R3HCC1L: variants seen among roughly 807,000 people sequenced by gnomAD.
R3HCC1L encodes coiled-coil domain-containing protein R3HCC1L.
R3HCC1L carries 51 observed loss-of-function variants against 59.9 expected under a neutral mutation model. The ratio of observed to expected loss-of-function variants is 0.85; its 90% CI spans 0.68 to 1.07. The LOEUF (loss-of-function observed/expected upper bound fraction) is 1.07, where lower values mean the gene tolerates loss of function less well. R3HCC1L is among the 50% of genes least tolerant of loss of function. The pLI is 0.00. For missense variants in R3HCC1L, 965 were observed against 933.0 expected (o/e 1.03, Z -0.45); for synonymous variants, 322 against 315.2 (o/e 1.02, Z -0.23).
At chr10:98,196,092 TC>T (rs1353097802) in intron 4 of R3HCC1L, among the ~76,000 whole-genome samples, 15 of 152,212 alleles carry the variant, frequency 9.9e-5, no homozygotes, top group Admixed American at 9.8e-4. Context: ...AATATTATAT[TC>T]TACTTAGTAC....
At chr10:98,234,860 A>G (rs1013388670) in intron 7 of R3HCC1L, among the ~76,000 whole-genome samples, 5 of 152,186 alleles carry the variant, frequency 3.3e-5, no homozygotes, top group African/African-American at 1.2e-4. Flanking sequence ...AGTGAATTTA[A>G]TTAGCCCTTT....
chr10:98,236,539 C>T (rs1003645056), intron 9 of R3HCC1L, among the ~76,000 whole-genome samples: 16 of 152,156 alleles, frequency 1.1e-4, no homozygotes, highest in African/African-American at 3.6e-4. Context: ...TGATATTGCC[C>T]TAATGTTATC....
intron 4 of R3HCC1L, among the ~76,000 whole-genome samples, chr10:98,179,227 G>T (rs1245913972): frequency 6.6e-6 from 1 of 152,276 alleles, no homozygotes; most frequent in East Asian, 1.9e-4. Flanking sequence ...ATTATTTTGA[G>T]ATACATTCCA....
At chr10:98,159,549 C>G (rs1564629429) in intron 2 of R3HCC1L, among the ~76,000 whole-genome samples, 1 of 152,184 alleles carries the variant, frequency 6.6e-6, no homozygotes, top group Non-Finnish European at 1.5e-5. Flanking sequence ...TCTTGTTACT[C>G]CTTGAACTTT....
intron 6 of R3HCC1L, among the ~76,000 whole-genome samples, chr10:98,232,300 TTTTA>T (rs1856487555): frequency 1.3e-5 from 2 of 152,160 alleles, no homozygotes. Flanking sequence ...TCAACTAAGT[TTTTA>T]TAGACAAAAT....
intron 1 of R3HCC1L, among the ~76,000 whole-genome samples, chr10:98,135,067 C>T (rs1844409239): frequency 6.6e-6 from 1 of 152,212 alleles, no homozygotes; most frequent in African/African-American, 2.4e-5. Context: ...GGCTGCGGGG[C>T]CGTGGGCCCC....
At chr10:98,169,884 CTT>C (rs1195433216) in intron 4 of R3HCC1L, among the ~76,000 whole-genome samples, 70 of 128,354 alleles carry the variant, frequency 5.5e-4, no homozygotes, top group Admixed American at 2.4e-3. Flanking sequence ...CTAACACAAC[CTT>C]TTTTTTTTTT....
rs1849542052 is a variant in R3HCC1L at position 98,180,718 on chromosome 10, T to C, written c.-15+17321T>C. Among the ~76,000 whole-genome samples, 3 of 152,204 alleles carry C rather than the reference T, an allele frequency of 2.0e-5. No homozygotes were observed. In the South Asian group the frequency reaches 6.2e-4, roughly 32 times the overall value. On this transcript the variant is annotated intron_variant, in intron 4 of 9. Transcript: ENST00000298999. ...CTTGTAGGTCTCTAAGTACTTGCTT[T>C]ATGAATCTGGGTGCTCCTGTATTGA...
At chr10:98,211,945 A>T (rs957577979) in intron 5 of R3HCC1L, among the ~76,000 whole-genome samples, 9 of 152,160 alleles carry the variant, frequency 5.9e-5, no homozygotes, top group African/African-American at 2.2e-4. Flanking sequence ...GGACATTGGG[A>T]TGACCTAAAG....
At chr10:98,199,739 C>T (rs758664094) in intron 4 of R3HCC1L, among the ~76,000 whole-genome samples, 19 of 151,774 alleles carry the variant, frequency 1.3e-4, no homozygotes, top group Admixed American at 3.3e-4. Flanking sequence ...TTAATGAAAA[C>T]GACTTGTTAG....
chr10:98,200,388 C>T (rs916348471), intron 4 of R3HCC1L, among the ~76,000 whole-genome samples: 2 of 152,040 alleles, frequency 1.3e-5, no homozygotes, highest in East Asian at 1.9e-4. Context: ...TCATAAGGGC[C>T]TTGACTCCGT....
intron 4 of R3HCC1L, among the ~76,000 whole-genome samples, chr10:98,207,421 C>T (rs532939481): frequency 6.6e-6 from 1 of 152,284 alleles, no homozygotes; most frequent in Admixed American, 6.5e-5. Flanking sequence ...TGTCTCATCA[C>T]AGTTTCCTTG....
At chr10:98,215,589 A>C (rs997069080) in intron 5 of R3HCC1L, among the ~76,000 whole-genome samples, 5 of 152,224 alleles carry the variant, frequency 3.3e-5, no homozygotes, top group Non-Finnish European at 7.3e-5. Flanking sequence ...ATGACGCAGC[A>C]TTTCTTAAAA....
rs143685455 is a variant in R3HCC1L at position 98,149,335 on chromosome 10, G to A, written c.-267-6758G>A. ...CAACTTTTTATTTCATTGGTTTTCC[G>A]TAGTCTAAATTCTATTTATTTCTGC... is the stretch of plus-strand genomic sequence containing the variant. On this transcript the variant is annotated intron_variant, in intron 1 of 9. Coordinates refer to ENST00000298999, the MANE Select transcript of R3HCC1L (RefSeq NM_001351015.2). Among the ~76,000 whole-genome samples, 418 of 151,940 alleles carry A rather than the reference G, an allele frequency of 2.8e-3. 2 individuals are homozygous for A. Among genetic ancestry groups the A allele is most frequent in the African/African-American group, 9.3e-3 (387 of 41,450 alleles).
chr10:98,193,071 A>T (rs558695201), intron 4 of R3HCC1L, among the ~76,000 whole-genome samples: 81 of 149,448 alleles, frequency 5.4e-4, no homozygotes, highest in South Asian at 1.3e-3. Flanking sequence ...CTGACAAAAC[A>T]TAATACCTTT....
intron 4 of R3HCC1L, among the ~76,000 whole-genome samples, chr10:98,198,232 A>G (rs913861478): frequency 2.3e-4 from 35 of 152,130 alleles, no homozygotes; most frequent in Admixed American, 2.0e-4. Flanking sequence ...TTAAAAGTGT[A>G]TAATTATCTT....
chr10:98,209,646 G>T lies in R3HCC1L; in HGVS notation c.1532G>T (p.Ser511Ile). Residue 511 changes from serine to isoleucine, a missense_variant, in exon 5 of 10, where the codon AGT becomes ATT. Coordinates refer to ENST00000298999, the MANE Select transcript of R3HCC1L (RefSeq NM_001351015.2). ...SDSAVGIDLG[S>I]TGDTTEALHE... ...AGTGCCGTGGGCATTGACCTGGGTA[G>T]TACTGGTGATACAACAGAAGCATTG... 6.2e-7 allele frequency: 1 copy of T among 1,614,024 alleles called. No homozygotes were observed. The highest frequency in any genetic ancestry group is 8.5e-7 in the Non-Finnish European group (1 of 1,179,954).
Position 98,162,212 on chromosome 10 carries a change from T to C in R3HCC1L, c.-212-671T>C, listed in dbSNP as rs542339953. 1.6e-3 allele frequency among the ~76,000 whole-genome samples: 237 copies of C among 152,316 alleles called. 3 individuals carry two copies. The highest frequency in any genetic ancestry group is 3.4e-3 in the Middle Eastern group (1 of 292). On this transcript the variant is annotated intron_variant, in intron 2 of 9. Transcript: ENST00000298999. ...ATTTATTTAACCTGGCTGATATTGGTGGACATTAAAGTTATTTAAAATTTT... is the reference window on the plus strand; with the variant it reads ...ATTTATTTAACCTGGCTGATATTGGCGGACATTAAAGTTATTTAAAATTTT...
intron 4 of R3HCC1L, among the ~76,000 whole-genome samples, chr10:98,190,977 A>T (rs1401307640): frequency 6.6e-6 from 1 of 152,180 alleles, no homozygotes; most frequent in African/African-American, 2.4e-5. Context: ...TGCAAAGGAC[A>T]TGAACTCATC....
Sources: allele counts gnomAD v4.1 joint callset (sites outside exome capture counted in the v4.1 genomes callset), GRCh38; gene constraint gnomAD v4.1.1; transcripts MANE v1.5; gene names NCBI Gene and HGNC (gene_info 2026-07-23, HGNC 2026-07-21).